Variants in SMAD3 observed in about 807,000 individuals in gnomAD.
SMAD3 encodes SMAD family member 3, also known as MAD homolog 3.
In SMAD3, 12 loss-of-function variants were observed where a neutral mutation model predicts 51.8. The observed-to-expected ratio is 0.23, with a 90% CI of 0.15 to 0.38. The LOEUF is 0.38. Ranked by LOEUF, SMAD3 falls within the 10% of genes least tolerant of loss-of-function variation. The pLI is 1.00. For missense variants in SMAD3, 294 were observed against 565.6 expected, an observed-to-expected ratio of 0.52 and a Z score of 4.87; for synonymous variants, 238 against 227.7, an observed-to-expected ratio of 1.05 and a Z score of -0.41.
intron 1 of SMAD3, among the ~76,000 whole-genome samples, chr15:67,160,529 T>G (rs1387094147): frequency 1.3e-5 from 2 of 152,258 alleles, no homozygotes; most frequent in East Asian, 3.9e-4. Context: ...TCCCAGTACT[T>G]TGGGAGGCCG....
At chr15:67,074,829 A>G (rs531052223) in intron 1 of SMAD3, among the ~76,000 whole-genome samples, 6 of 152,190 alleles carry the variant, frequency 3.9e-5, no homozygotes, top group Non-Finnish European at 8.8e-5. Context: ...AGCTGGGACT[A>G]CAGGCGCCCG....
chr15:67,150,960 A>G (rs1344459345), intron 1 of SMAD3, among the ~76,000 whole-genome samples: 1 of 139,698 alleles, frequency 7.2e-6, no homozygotes, highest in African/African-American at 2.7e-5. Flanking sequence ...GGTTCAAGTG[A>G]TTCTCTTGCC....
At chr15:67,102,041 C>G (rs950640405) in intron 1 of SMAD3, among the ~76,000 whole-genome samples, 1 of 152,188 alleles carries the variant, frequency 6.6e-6, no homozygotes. Context: ...TTTCTTCCAT[C>G]AAATCGGATT....
intron 1 of SMAD3, among the ~76,000 whole-genome samples, chr15:67,075,778 G>A (rs1960153919): frequency 6.6e-6 from 1 of 152,044 alleles, no homozygotes; most frequent in Non-Finnish European, 1.5e-5. Flanking sequence ...AGCCGGGCAT[G>A]GTAGCGGGCG....
chr15:67,093,098 C>A (rs1245769407), intron 1 of SMAD3, among the ~76,000 whole-genome samples: 1 of 152,118 alleles, frequency 6.6e-6, no homozygotes, highest in African/African-American at 2.4e-5. Flanking sequence ...CTCATCTAAC[C>A]CTACAGTTAC....
intron 6 of SMAD3, among the ~76,000 whole-genome samples, chr15:67,181,943 C>T (rs1186910578): frequency 2.6e-5 from 4 of 152,082 alleles, no homozygotes; most frequent in Non-Finnish European, 4.4e-5. Flanking sequence ...CCAACCACCA[C>T]GCCCAGCTAA....
intron 6 of SMAD3, among the ~76,000 whole-genome samples, chr15:67,183,073 G>A (rs1487775613): frequency 2.8e-5 from 3 of 108,994 alleles, no homozygotes; most frequent in East Asian, 2.7e-4. Context: ...ACCAAGTCTC[G>A]CTCTTGTCTC....
intron 1 of SMAD3, among the ~76,000 whole-genome samples, chr15:67,154,923 A>C (rs1962242387): frequency 6.6e-6 from 1 of 152,262 alleles, no homozygotes; most frequent in African/African-American, 2.4e-5. Context: ...CAAAGCAGGC[A>C]AGTAGACGCA....
intron 1 of SMAD3, among the ~76,000 whole-genome samples, chr15:67,082,708 A>G (rs1960303894): frequency 6.6e-6 from 1 of 152,254 alleles, no homozygotes; most frequent in African/African-American, 2.4e-5. Context: ...TTGAGTCTTC[A>G]GTCGCAAAGA....
At chr15:67,066,457 G>A in intron 1 of SMAD3, 97 bp downstream of exon 1, 2 of 975,676 alleles carry the variant, frequency 2.0e-6, no homozygotes, top group Non-Finnish European at 3.2e-6. Flanking sequence ...AAGAGGGAGA[G>A]AGAGGGAGGG....
At chr15:67,185,779 C>G (rs1963209134) in intron 7 of SMAD3, among the ~76,000 whole-genome samples, 1 of 152,216 alleles carries the variant, frequency 6.6e-6, no homozygotes, top group Non-Finnish European at 1.5e-5. Context: ...AAGCCCCAGC[C>G]AAAGTCCACT....
chr15:67,128,767 A>T (rs1460434266), intron 1 of SMAD3, among the ~76,000 whole-genome samples: 1 of 151,876 alleles, frequency 6.6e-6, no homozygotes, highest in African/African-American at 2.4e-5. Flanking sequence ...AGTAGAGTGA[A>T]CCTCGCCATT....
intron 1 of SMAD3, among the ~76,000 whole-genome samples, chr15:67,080,676 TGAG>T (rs1207769164): frequency 1.3e-5 from 2 of 152,200 alleles, no homozygotes; most frequent in Non-Finnish European, 2.9e-5. Context: ...TGGAAGGCCT[TGAG>T]GAAGGAATTA....
chr15:67,184,173 CTCACGGCAGT>C (rs1963157857), intron 6 of SMAD3, among the ~76,000 whole-genome samples: 1 of 149,716 alleles, frequency 6.7e-6, no homozygotes, highest in Admixed American at 6.7e-5. Flanking sequence ...GTGATGGGAG[CTCACGGCAGT>C]CTTGAACCCC....
chr15:67,082,883 G>A (rs138430203), intron 1 of SMAD3, among the ~76,000 whole-genome samples: 1,704 of 152,244 alleles, frequency 0.011, 10 homozygotes, highest in Middle Eastern at 0.017. Flanking sequence ...AGGTCTTCTT[G>A]TTTTTCTTGC....
rs953247236 is a variant in SMAD3 at position 67,165,244 on chromosome 15, C to T, written c.401-9C>T. The T allele has an allele frequency of 6.2e-7, 1 of 1,614,204 alleles. No homozygotes were observed. The highest frequency in any genetic ancestry group is 8.5e-7 in the Non-Finnish European group (1 of 1,180,030). On this transcript the variant is annotated splice_polypyrimidine_tract_variant and intron_variant, in intron 2 of 8. Coordinates refer to ENST00000327367, the MANE Select transcript of SMAD3 (RefSeq NM_005902.4). Reference sequence around the variant, plus strand: ...ACTGAGCCACCTCTGCTCTGTCTCCCCCGGACAGTTCTACCTCCTGTGTTG... The same window carrying T: ...ACTGAGCCACCTCTGCTCTGTCTCCTCCGGACAGTTCTACCTCCTGTGTTG...
At chr15:67,102,289 G>A (rs947873484) in intron 1 of SMAD3, among the ~76,000 whole-genome samples, 7 of 140,824 alleles carry the variant, frequency 5.0e-5, no homozygotes, top group Admixed American at 4.2e-4. Context: ...GTGCATGCTC[G>A]CGTGCATGAG....
intron 1 of SMAD3, among the ~76,000 whole-genome samples, chr15:67,136,261 G>A (rs1488567224): frequency 6.6e-6 from 1 of 151,920 alleles, no homozygotes; most frequent in Non-Finnish European, 1.5e-5. Flanking sequence ...TAAAGATTGT[G>A]CCATCTTGAG....
At chr15:67,114,394 C>T (rs1961091241) in intron 1 of SMAD3, among the ~76,000 whole-genome samples, 1 of 152,222 alleles carries the variant, frequency 6.6e-6, no homozygotes, top group Admixed American at 6.5e-5. Flanking sequence ...GAGGCCCACC[C>T]AGATAGCTCC....
Sources: gnomAD v4.1 joint callset for allele counts (sites outside exome capture counted in the v4.1 genomes callset) on GRCh38, gnomAD v4.1.1 for gene constraint, MANE v1.5 for transcripts, NCBI Gene and HGNC (gene_info 2026-07-23, HGNC 2026-07-21) for gene names.